The following NCAM2 variants were observed in gnomAD, a reference collection of about 807,000 sequenced individuals.
NCAM2 encodes N-CAM-2.
A neutral mutation model predicts 98.1 loss-of-function variants in NCAM2; 30 were observed. The observed-to-expected ratio is 0.31, with a 90% CI of 0.23 to 0.41. The LOEUF (loss-of-function observed/expected upper bound fraction) is 0.41. Among genes scored for constraint, NCAM2 ranks in the 10% least tolerant of loss-of-function variants. The probability of loss-of-function intolerance (pLI) is 1.00; values close to 1 mark genes in which losing one functional copy is unlikely to be tolerated. For missense variants in NCAM2, 867 were observed against 1,005.8 expected, an observed-to-expected ratio of 0.86 and a Z score of 1.87; for synonymous variants, 368 against 342.4, an observed-to-expected ratio of 1.07 and a Z score of -0.83.
chr21:21,338,539 C>A lies in NCAM2; in HGVS notation c.1044+5C>A. 1 of 1,597,256 alleles carries A rather than the reference C, an allele frequency of 6.3e-7. No homozygotes were observed. Among genetic ancestry groups the A allele is most frequent in the African/African-American group, 1.4e-5 (1 of 73,916 alleles). On this transcript the variant is annotated splice_donor_5th_base_variant and intron_variant, in intron 8 of 17. Transcript: ENST00000400546. ...ACGTTCACTGAAGGCGATAAGGTAA[C>A]CACATCTCAATATGTAATGGTTTCC...
At chr21:21,238,947 A>T (rs1156506099) in intron 1 of NCAM2, among the ~76,000 whole-genome samples, 1 of 152,150 alleles carries the variant, frequency 6.6e-6, no homozygotes, top group Non-Finnish European at 1.5e-5. Context: ...AGATAATGGA[A>T]GCATTTGTAA....
intron 1 of NCAM2, among the ~76,000 whole-genome samples, chr21:21,227,300 G>A (rs756742347): frequency 1.3e-5 from 2 of 151,748 alleles, no homozygotes; most frequent in African/African-American, 2.4e-5. Context: ...CTAGATCACT[G>A]AATCCACATT....
intron 1 of NCAM2, among the ~76,000 whole-genome samples, chr21:21,159,380 A>G (rs1373611903): frequency 3.3e-5 from 5 of 152,186 alleles, no homozygotes; most frequent in Non-Finnish European, 7.4e-5. Flanking sequence ...GTCCTAGACA[A>G]TCTCATTCAC....
intron 1 of NCAM2, among the ~76,000 whole-genome samples, chr21:21,080,430 A>G (rs943478795): frequency 1.3e-5 from 2 of 151,974 alleles, no homozygotes; most frequent in Admixed American, 6.6e-5. Context: ...CAGCCTGACC[A>G]ACATGGAGAA....
intron 15 of NCAM2, among the ~76,000 whole-genome samples, chr21:21,496,803 A>G (rs1987273084): frequency 6.6e-6 from 1 of 152,106 alleles, no homozygotes; most frequent in African/African-American, 2.4e-5. Context: ...GGTGAAAGGT[A>G]GGGATCCAGA....
At chr21:21,075,243 G>C (rs984874791) in intron 1 of NCAM2, among the ~76,000 whole-genome samples, 4 of 152,080 alleles carry the variant, frequency 2.6e-5, no homozygotes, top group Non-Finnish European at 5.9e-5. Context: ...TGTAGATGAC[G>C]GGTTGATGGA....
At chr21:21,137,277 AT>A (rs1253409021) in intron 1 of NCAM2, among the ~76,000 whole-genome samples, 2 of 152,248 alleles carry the variant, frequency 1.3e-5, no homozygotes, top group African/African-American at 4.8e-5. Context: ...TCAGAATATC[AT>A]ACAAAGTTCT....
chr21:21,320,232 A>G (rs1428880017), intron 5 of NCAM2, among the ~76,000 whole-genome samples: 1 of 152,218 alleles, frequency 6.6e-6, no homozygotes, highest in Non-Finnish European at 1.5e-5. Flanking sequence ...AGACGGATAT[A>G]CCAAATCAGT....
chr21:21,308,860 A>G (rs1479864504), intron 5 of NCAM2, among the ~76,000 whole-genome samples: 2 of 150,558 alleles, frequency 1.3e-5, no homozygotes, highest in Non-Finnish European at 3.0e-5. Flanking sequence ...TCCTTTTTGT[A>G]TTAATTTTTG....
chr21:21,486,253 G>A (rs1277857600), intron 15 of NCAM2, among the ~76,000 whole-genome samples: 1 of 133,670 alleles, frequency 7.5e-6, no homozygotes, highest in African/African-American at 2.8e-5. Flanking sequence ...GCAGTGAGCC[G>A]AGATCGCGCC....
intron 5 of NCAM2, among the ~76,000 whole-genome samples, chr21:21,317,559 G>T (rs956470678): frequency 4.1e-5 from 6 of 144,886 alleles, no homozygotes; most frequent in Non-Finnish European, 7.7e-5. Flanking sequence ...TATTTTTTTT[G>T]AGATAGAGTC....
chr21:21,074,561 C>T (rs1187174387), intron 1 of NCAM2, among the ~76,000 whole-genome samples: 1 of 152,114 alleles, frequency 6.6e-6, no homozygotes, highest in Admixed American at 6.6e-5. Flanking sequence ...TAATCTTAGA[C>T]CCCACGTCAA....
chr21:21,255,642 C>G (rs142715806), intron 1 of NCAM2, among the ~76,000 whole-genome samples: 492 of 152,300 alleles, frequency 3.2e-3, no homozygotes, highest in Non-Finnish European at 4.7e-3. Context: ...TTCTTTGTCT[C>G]CCAGCTACTA....
At chr21:21,066,173 A>AG (rs2043609264) in intron 1 of NCAM2, among the ~76,000 whole-genome samples, 3 of 152,108 alleles carry the variant, frequency 2.0e-5, no homozygotes, top group Non-Finnish European at 2.9e-5. Context: ...GAAATGTAAA[A>AG]GAGATTCATC....
chr21:21,218,430 A>G (rs938653531), intron 1 of NCAM2, among the ~76,000 whole-genome samples: 4 of 152,198 alleles, frequency 2.6e-5, no homozygotes, highest in Non-Finnish European at 4.4e-5. Flanking sequence ...AGGCAGAATA[A>G]TGGCCCCAAA....
chr21:21,175,716 A>G (rs1375436194), intron 1 of NCAM2, among the ~76,000 whole-genome samples: 2 of 152,156 alleles, frequency 1.3e-5, no homozygotes, highest in Non-Finnish European at 2.9e-5. Context: ...TTTAGCTGAG[A>G]GTACCTAGTG....
chr21:21,402,840 A>G (rs979248679), intron 9 of NCAM2, among the ~76,000 whole-genome samples: 1 of 152,100 alleles, frequency 6.6e-6, no homozygotes, highest in Admixed American at 6.6e-5. Context: ...GGTTCCCCTG[A>G]TAGGTAGTTC....
chr21:21,059,908 G>T (rs1283557624), intron 1 of NCAM2, among the ~76,000 whole-genome samples: 1 of 151,948 alleles, frequency 6.6e-6, no homozygotes. Context: ...GAGAAATTCT[G>T]GTCTAGAAGT....
chr21:21,140,313 G>A (rs906259370), intron 1 of NCAM2, among the ~76,000 whole-genome samples: 2 of 152,124 alleles, frequency 1.3e-5, no homozygotes, highest in African/African-American at 2.4e-5. Context: ...AGGCATTGAA[G>A]CTAAACATTT....
Sources: gnomAD v4.1 joint callset for allele counts (sites outside exome capture counted in the v4.1 genomes callset) on GRCh38, gnomAD v4.1.1 for gene constraint, MANE v1.5 for transcripts, NCBI Gene and HGNC (gene_info 2026-07-23, HGNC 2026-07-21) for gene names.